Variants in AGAP1 observed in about 807,000 individuals in gnomAD.
The protein encoded by AGAP1 is ArfGAP with GTPase domain, ankyrin repeat and PH domain 1, also known as arf-GAP with GTPase, ANK repeat and PH domain-containing protein 1.
In AGAP1, 29 loss-of-function variants were observed where a neutral mutation model predicts 105.3. That is an observed-to-expected ratio of 0.28 (90% CI 0.21 to 0.38). The LOEUF (loss-of-function observed/expected upper bound fraction) is 0.38, where lower values mean the gene tolerates loss of function less well. AGAP1 is among the 10% of genes least tolerant of loss of function. AGAP1 has a pLI of 1.00. For synonymous variants in AGAP1, 509 were observed against 485.9 expected, an observed-to-expected ratio of 1.05 and a Z score of -0.63; for missense variants, 998 against 1,165.1, an observed-to-expected ratio of 0.86 and a Z score of 2.09.
rs140543886 is a variant in AGAP1, at chr2:236,003,048, C to T, written c.1646-33513C>T. On this transcript the variant is annotated intron_variant, in intron 13 of 17. Transcript: ENST00000304032. The surrounding 1 kb of genome is among the most constrained non-coding windows in gnomAD (Gnocchi z 4.2). Reference sequence around the variant, plus strand: ...TAAGTTAGAAAATTACTCACGTATTCGCCCACTGTGTGCCAACAGAGTCTT... The same window carrying T: ...TAAGTTAGAAAATTACTCACGTATTTGCCCACTGTGTGCCAACAGAGTCTT... Among the ~76,000 whole-genome samples, 815 of 152,128 alleles carry T rather than the reference C, an allele frequency of 5.4e-3. 4 individuals are homozygous for T. Among genetic ancestry groups the T allele is most frequent in the African/African-American group, 0.018 (766 of 41,510 alleles).
At chr2:236,008,642 T>C (rs1262678712) in intron 13 of AGAP1, among the ~76,000 whole-genome samples, 1 of 152,170 alleles carries the variant, frequency 6.6e-6, no homozygotes, top group African/African-American at 2.4e-5. Flanking sequence ...GAACTTCTGG[T>C]TTTATTGCAT....
chr2:235,921,706 T>C (rs1328797119), intron 11 of AGAP1, among the ~76,000 whole-genome samples: 1 of 152,174 alleles, frequency 6.6e-6, no homozygotes, highest in African/African-American at 2.4e-5. Flanking sequence ...AAACAAAAGG[T>C]ATCAAGAAAC....
chr2:235,638,653 G>T (rs1236916558), intron 1 of AGAP1, among the ~76,000 whole-genome samples: 1 of 152,064 alleles, frequency 6.6e-6, no homozygotes, highest in African/African-American at 2.4e-5. Flanking sequence ...CAATTAGTAG[G>T]AGAACTAGGA....
chr2:235,910,929 C>G (rs1020276455), intron 11 of AGAP1, among the ~76,000 whole-genome samples: 1 of 151,502 alleles, frequency 6.6e-6, no homozygotes, highest in Non-Finnish European at 1.5e-5. Flanking sequence ...AAAAAAAAAT[C>G]TATCAAGCAC....
chr2:235,746,109 G>A (rs1350665865), intron 5 of AGAP1, among the ~76,000 whole-genome samples: 1 of 152,046 alleles, frequency 6.6e-6, no homozygotes, highest in African/African-American at 2.4e-5. Context: ...CTGGGTGACA[G>A]AGTGAGATTC....
intron 13 of AGAP1, among the ~76,000 whole-genome samples, chr2:236,034,431 AT>A (rs749161596): frequency 1.3e-5 from 2 of 151,892 alleles, no homozygotes; most frequent in Non-Finnish European, 2.9e-5. Flanking sequence ...GGAGTGTTTC[AT>A]TCTGCATAAA....
rs1232379457 is a variant in AGAP1, at chr2:235,971,942, C to G, written c.1645+3319C>G. ...CACAGGCAGGCACCACGACACCTGG[C>G]TAATTTTTTGTATTTTTGTAGAAAT... is the stretch of plus-strand genomic sequence containing the variant. On this transcript the variant is annotated intron_variant, in intron 13 of 17. Transcript: ENST00000304032. This position sits in a 1 kb window ranked among gnomAD's most constrained non-coding sequence, Gnocchi z 4.8. Among the ~76,000 whole-genome samples, 1 of 151,664 alleles carries G rather than the reference C, an allele frequency of 6.6e-6. No homozygotes were observed. Among genetic ancestry groups the G allele is most frequent in the East Asian group, 1.9e-4 (1 of 5,144 alleles).
chr2:235,755,937 G>A (rs1458416316), intron 6 of AGAP1, among the ~76,000 whole-genome samples: 1 of 152,142 alleles, frequency 6.6e-6, no homozygotes, highest in Non-Finnish European at 1.5e-5. Flanking sequence ...ACCTAAAATA[G>A]TTATAACTTA....
In AGAP1 at chr2:236,114,284, C is replaced by T. The variant is rs564950570; in HGVS notation, c.2115-5908C>T. ...ATCCCAGAAGTAGAATTGCGGCCTC[C>T]GAGTGACCATTTGAGTCTGTGTGCT... On this transcript the variant is annotated intron_variant, in intron 16 of 17. Transcript: ENST00000304032. This position sits in a 1 kb window ranked among gnomAD's most constrained non-coding sequence, Gnocchi z 5.0. Among the ~76,000 whole-genome samples, 15 of 152,208 alleles carry T rather than the reference C, an allele frequency of 9.9e-5. No homozygotes were observed. The highest frequency in any genetic ancestry group is 3.1e-4 in the African/African-American group (13 of 41,544).
chr2:235,844,033 G>A (rs1287085402), intron 9 of AGAP1, among the ~76,000 whole-genome samples: 1 of 151,936 alleles, frequency 6.6e-6, no homozygotes, highest in Admixed American at 6.5e-5. Flanking sequence ...GTCCCCAAAG[G>A]ACCACCCAGG....
rs73125506 is a variant in AGAP1, at chr2:236,046,291, G to A, written c.1892-2768G>A. 1.3e-5 allele frequency among the ~76,000 whole-genome samples: 2 copies of A among 152,236 alleles called. No individual in the cohort carries two copies. The highest frequency in any genetic ancestry group is 4.8e-5 in the African/African-American group (2 of 41,546). On this transcript the variant is annotated intron_variant, in intron 15 of 17. Coordinates refer to ENST00000304032, the MANE Select transcript of AGAP1 (RefSeq NM_001037131.3). The surrounding 1 kb of genome is among the most constrained non-coding windows in gnomAD (Gnocchi z 5.2). ...GGTGCTAGGTTTTGAGCGGTGGTGTGACATGATCAGAGATGCCGTGTTCAG... is the reference window on the plus strand; with the variant it reads ...GGTGCTAGGTTTTGAGCGGTGGTGTAACATGATCAGAGATGCCGTGTTCAG...
In AGAP1 at chr2:235,889,163, G is replaced by A. The variant is rs1053744247; in HGVS notation, c.1155+5714G>A. 6.6e-5 allele frequency among the ~76,000 whole-genome samples: 10 copies of A among 152,334 alleles called. No homozygotes were observed. The highest frequency in any genetic ancestry group is 2.4e-4 in the African/African-American group (10 of 41,582). On this transcript the variant is annotated intron_variant, in intron 10 of 17. Transcript: ENST00000304032. The surrounding 1 kb of genome is among the most constrained non-coding windows in gnomAD (Gnocchi z 4.6). ...ATCGGTGTGTTCGAAAATAAACCCAGCTCTTGGCCAAACAAACAGTCGGTA... is the reference window on the plus strand; with the variant it reads ...ATCGGTGTGTTCGAAAATAAACCCAACTCTTGGCCAAACAAACAGTCGGTA...
chr2:235,515,963 G>A (rs185649386), intron 1 of AGAP1, among the ~76,000 whole-genome samples: 1 of 152,210 alleles, frequency 6.6e-6, no homozygotes, highest in East Asian at 1.9e-4. Flanking sequence ...TGGGGTGTGC[G>A]GCCTCTGTAG....
chr2:235,968,952 G>A (rs1444354073), intron 13 of AGAP1, among the ~76,000 whole-genome samples: 1 of 152,220 alleles, frequency 6.6e-6, no homozygotes, highest in African/African-American at 2.4e-5. Flanking sequence ...GTCCTCTCCA[G>A]CCAAGGTGGG....
chr2:235,724,730 A>C lies in AGAP1; in HGVS notation c.310+7086A>C, dbSNP rs561206070. Among the ~76,000 whole-genome samples, 3 of 152,350 alleles carry C rather than the reference A, an allele frequency of 2.0e-5. No individual in the cohort carries two copies. The South Asian group carries it at 6.2e-4, about 32-fold the overall frequency. ...TAATTATAACTACCAGGTAAGGACCAGTGAGAAACAGTGGGTGAGATTAGG... is the reference window on the plus strand; with the variant it reads ...TAATTATAACTACCAGGTAAGGACCCGTGAGAAACAGTGGGTGAGATTAGG... On this transcript the variant is annotated intron_variant, in intron 3 of 17. Transcript: ENST00000304032. This position sits in a 1 kb window ranked among gnomAD's most constrained non-coding sequence, Gnocchi z 4.9.
At chr2:236,094,324 C>T (rs1333789855) in intron 16 of AGAP1, among the ~76,000 whole-genome samples, 2 of 150,248 alleles carry the variant, frequency 1.3e-5, no homozygotes, top group Non-Finnish European at 3.0e-5. Context: ...TACGATGGGT[C>T]ACCATGGCCT....
In AGAP1 at chr2:235,943,044, T is replaced by A. The variant is rs112626960; in HGVS notation, c.1483+12121T>A. Among the ~76,000 whole-genome samples the A allele has an allele frequency of 3.5e-3, 535 of 152,374 alleles. 2 individuals are homozygous for A. The highest frequency in any genetic ancestry group is 0.012 in the African/African-American group (484 of 41,592). On this transcript the variant is annotated intron_variant, in intron 12 of 17. Coordinates refer to ENST00000304032, the MANE Select transcript of AGAP1 (RefSeq NM_001037131.3). Reference sequence around the variant, plus strand: ...TATGTGCTGCTTCTCCAACTGGAAATAAAACTTTGTGATGTTTTGTGTTCT... The same window carrying A: ...TATGTGCTGCTTCTCCAACTGGAAAAAAAACTTTGTGATGTTTTGTGTTCT...
At chr2:235,808,188 C>T (rs1957941471) in intron 9 of AGAP1, among the ~76,000 whole-genome samples, 2 of 152,218 alleles carry the variant, frequency 1.3e-5, no homozygotes, top group African/African-American at 4.8e-5. Flanking sequence ...ATTTAGAGTG[C>T]ATCCTTCTTG....
chr2:235,728,558 A>G lies in AGAP1; in HGVS notation c.310+10914A>G, dbSNP rs1334859905. Among the ~76,000 whole-genome samples, 1 of 152,064 alleles carries G rather than the reference A, an allele frequency of 6.6e-6. No homozygotes were observed. Among genetic ancestry groups the G allele is most frequent in the African/African-American group, 2.4e-5 (1 of 41,410 alleles). On this transcript the variant is annotated intron_variant, in intron 3 of 17. Coordinates refer to ENST00000304032, the MANE Select transcript of AGAP1 (RefSeq NM_001037131.3). This position sits in a 1 kb window ranked among gnomAD's most constrained non-coding sequence, Gnocchi z 4.3. Reference sequence around the variant, plus strand: ...TGAGGCAGGGTCTGTGTGCAGGAGGAGTGCTAGTGTGAGAGCTGCTGGTGC... The same window carrying G: ...TGAGGCAGGGTCTGTGTGCAGGAGGGGTGCTAGTGTGAGAGCTGCTGGTGC...
Sources: allele counts gnomAD v4.1 joint callset (sites outside exome capture counted in the v4.1 genomes callset), GRCh38; gene constraint gnomAD v4.1.1; non-coding constraint Gnocchi (gnomAD v3.1); transcripts MANE v1.5; gene names NCBI Gene and HGNC (gene_info 2026-07-23, HGNC 2026-07-21).